Variants in TMEM154 observed in about 807,000 individuals in gnomAD.
The protein encoded by TMEM154 is transmembrane protein 154.
A neutral mutation model predicts 24.5 loss-of-function variants in TMEM154; 27 were observed. The ratio of observed to expected loss-of-function variants is 1.10; its 90% CI spans 0.81 to 1.52. The LOEUF (loss-of-function observed/expected upper bound fraction) is 1.52, where lower values mean the gene tolerates loss of function less well. Among genes scored for constraint, TMEM154 ranks in the 40% most tolerant of loss-of-function variants. TMEM154 has a pLI of 0.00. For synonymous variants in TMEM154, 67 were observed against 76.8 expected, an observed-to-expected ratio of 0.87 and a Z score of 0.67; for missense variants, 228 against 213.4, an observed-to-expected ratio of 1.07 and a Z score of -0.43.
Position 152,643,218 on chromosome 4 carries a change from A to T in TMEM154, c.393-45T>A, listed in dbSNP as rs965803698. ...GACTTGTTAGAAAGAAATGTGAAAG[A>T]TGCCTAATTTCATTTGGAAAGAGAC... On this transcript the variant is annotated intron_variant, in intron 4 of 6. Coordinates refer to ENST00000304385, the MANE Select transcript of TMEM154 (RefSeq NM_152680.3). The T allele has an allele frequency of 8.7e-6, 12 of 1,377,264 alleles. No individual in the cohort carries two copies. The African/African-American group carries it at 1.6e-4, about 18-fold the overall frequency. 85.3% of individuals were successfully genotyped at this position (1,377,264 alleles called of 1,614,324 possible).
chr4:152,665,148 C>T (rs1656725875), intron 1 of TMEM154, among the ~76,000 whole-genome samples: 1 of 152,206 alleles, frequency 6.6e-6, no homozygotes, highest in African/African-American at 2.4e-5. Context: ...CAGTCCAAGG[C>T]TGAATGAGCT....
At chr4:152,670,560 A>T (rs1728817289) in intron 1 of TMEM154, among the ~76,000 whole-genome samples, 1 of 152,088 alleles carries the variant, frequency 6.6e-6, no homozygotes, top group South Asian at 2.1e-4. Flanking sequence ...GCACCACTAC[A>T]CTCCAGCCTG....
At chr4:152,643,767 C>G (rs1036010350) in intron 4 of TMEM154, among the ~76,000 whole-genome samples, 1 of 152,170 alleles carries the variant, frequency 6.6e-6, no homozygotes, top group Admixed American at 6.5e-5. Flanking sequence ...GGATGGACCA[C>G]CAGCTCTGAA....
At chr4:152,639,200 C>T (rs1006932476) in intron 6 of TMEM154, among the ~76,000 whole-genome samples, 2 of 152,146 alleles carry the variant, frequency 1.3e-5, no homozygotes, top group South Asian at 4.1e-4. Flanking sequence ...ATCTGCCTGC[C>T]TCAGCCTCCC....
At chr4:152,662,994 T>C (rs1294888535) in intron 1 of TMEM154, among the ~76,000 whole-genome samples, 2 of 152,206 alleles carry the variant, frequency 1.3e-5, no homozygotes, top group Admixed American at 6.5e-5. Context: ...CTCTGCACCC[T>C]TGGGGCCTGG....
intron 5 of TMEM154, among the ~76,000 whole-genome samples, chr4:152,642,852 T>C (rs966643540): frequency 2.6e-5 from 4 of 152,188 alleles, no homozygotes; most frequent in Non-Finnish European, 5.9e-5. Flanking sequence ...TAAAATACCA[T>C]TTTCTGCTTC....
intron 6 of TMEM154, among the ~76,000 whole-genome samples, chr4:152,633,108 T>G (rs1752080961): frequency 1.3e-5 from 2 of 152,214 alleles, no homozygotes; most frequent in African/African-American, 4.8e-5. Context: ...AACTTTAAAT[T>G]TCTAAGGAGA....
rs904909046 is a variant in TMEM154 at position 152,619,844 on chromosome 4, C to T, written c.*8702G>A. The T allele has an allele frequency of 3.3e-5, 5 of 152,232 alleles. No individual in the cohort carries two copies. Among genetic ancestry groups the T allele is most frequent in the Non-Finnish European group, 7.3e-5 (5 of 68,046 alleles). 9.4% of individuals were successfully genotyped at this position (152,232 alleles called of 1,614,324 possible). ...GTGTGGGAGAGAGTTGAACCATTTG[C>T]ACTGAGCCTCATGCAAATTGCAGAT... On this transcript the variant is annotated 3_prime_UTR_variant, in exon 7 of 7. Transcript: ENST00000304385.
rs1199291959 is a variant in TMEM154 at position 152,621,493 on chromosome 4, G to C, written c.*7053C>G. 1 of 152,194 alleles carries C rather than the reference G, an allele frequency of 6.6e-6. No individual in the cohort carries two copies. The highest frequency in any genetic ancestry group is 1.5e-5 in the Non-Finnish European group (1 of 68,046). The allele number at this position is 152,194 out of a possible 1,614,324, so 9.4% of individuals were successfully genotyped here. On this transcript the variant is annotated 3_prime_UTR_variant, in exon 7 of 7. Transcript: ENST00000304385. ...CTGTCTCCAGTCTGGCTAAGTTCTA[G>C]TTAAAACAGGGAGGAAATAGACTCT...
At chr4:152,675,070 C>T (rs987088042) in intron 1 of TMEM154, among the ~76,000 whole-genome samples, 8 of 144,006 alleles carry the variant, frequency 5.6e-5, no homozygotes, top group African/African-American at 1.3e-4. Flanking sequence ...GCAGGAGAAT[C>T]GGCTTGAACC....
intron 1 of TMEM154, among the ~76,000 whole-genome samples, chr4:152,659,692 G>C (rs1399730094): frequency 6.6e-6 from 1 of 152,110 alleles, no homozygotes; most frequent in Non-Finnish European, 1.5e-5. Flanking sequence ...TCTGCCTTCT[G>C]AGTTAAGTGG....
chr4:152,676,639 A>G (rs533084602), intron 1 of TMEM154, among the ~76,000 whole-genome samples: 1 of 152,294 alleles, frequency 6.6e-6, no homozygotes, highest in Non-Finnish European at 1.5e-5. Flanking sequence ...ATTGTTATTA[A>G]TACTTGAAAT....
intron 6 of TMEM154, among the ~76,000 whole-genome samples, chr4:152,639,123 G>A (rs909671942): frequency 2.0e-5 from 3 of 152,044 alleles, no homozygotes; most frequent in Admixed American, 6.6e-5. Context: ...GCTAATTTTT[G>A]TATTTTTAGT....
chr4:152,651,092 A>G (rs1342919942), intron 3 of TMEM154, among the ~76,000 whole-genome samples: 3 of 152,162 alleles, frequency 2.0e-5, no homozygotes, highest in African/African-American at 7.2e-5. Context: ...CACCAACTAC[A>G]TTAGCTTCTA....
rs771482157 is a variant in TMEM154, at chr4:152,652,760, G to C, written c.232C>G (p.Leu78Val). The C allele has an allele frequency of 6.2e-7, 1 of 1,613,924 alleles. No individual in the cohort carries two copies. The highest frequency in any genetic ancestry group is 1.3e-5 in the African/African-American group (1 of 74,938). ...AAAATCAATGGGATTAACACCATCA[G>C]TATAAACTCTAACTGATTTTCATCC... ...APDENQLEFI[L>V]MVLIPLILLV... is the part of the protein sequence containing the mutation. Residue 78 changes from leucine to valine, a missense_variant, in exon 2 of 7, where the codon CTG (leucine) becomes GTG (valine). Leu to Val is a conservative substitution (Grantham distance 32). Transcript: ENST00000304385.
At chr4:152,644,785 C>T (rs1385461388) in intron 3 of TMEM154, among the ~76,000 whole-genome samples, 3 of 152,188 alleles carry the variant, frequency 2.0e-5, no homozygotes, top group South Asian at 4.1e-4. Context: ...TGCTCCTTGG[C>T]CTCCTTCAGT....
chr4:152,641,199 G>T, intron 5 of TMEM154: 1 of 509,680 alleles, frequency 2.0e-6, no homozygotes, highest in South Asian at 2.7e-5. Flanking sequence ...ACTTCAACAT[G>T]CCTCTGACAC....
intron 1 of TMEM154, among the ~76,000 whole-genome samples, chr4:152,676,047 C>G (rs1442617278): frequency 1.3e-5 from 2 of 152,184 alleles, no homozygotes; most frequent in African/African-American, 4.8e-5. Context: ...TTCTTCTCCT[C>G]GCTGGTTCCC....
chr4:152,678,555 G>T (rs112626444), intron 1 of TMEM154, among the ~76,000 whole-genome samples: 2 of 149,808 alleles, frequency 1.3e-5, no homozygotes, highest in Non-Finnish European at 1.5e-5. Flanking sequence ...CAGTGGTGGT[G>T]GGGGGTGGAG....
Sources: allele counts gnomAD v4.1 joint callset (sites outside exome capture counted in the v4.1 genomes callset), GRCh38; gene constraint gnomAD v4.1.1; transcripts MANE v1.5; gene names NCBI Gene and HGNC (gene_info 2026-07-23, HGNC 2026-07-21).